Variants in PCDHGA4 observed in about 807,000 individuals in gnomAD.
PCDHGA4 encodes the protein protocadherin gamma subfamily A, 4.
A neutral mutation model predicts 54.6 loss-of-function variants in PCDHGA4; 38 were observed. That is an observed-to-expected ratio of 0.70 (90% CI 0.54 to 0.91). The LOEUF is 0.91. Among genes scored for constraint, PCDHGA4 ranks in the 40% least tolerant of loss-of-function variants. The pLI, the probability that PCDHGA4 is intolerant of heterozygous loss-of-function variation, is 0.00. For synonymous variants in PCDHGA4, 511 were observed against 512.9 expected (o/e 1.00, Z 0.05); for missense variants, 1,298 against 1,220.9 (o/e 1.06, Z -0.94).
chr5:141,414,236 C>T, intron 1 of PCDHGA4: 1 of 1,613,456 alleles, frequency 6.2e-7, no homozygotes. Flanking sequence ...CTGACCATCA[C>T]GTCTCTATTT....
intron 1 of PCDHGA4, among the ~76,000 whole-genome samples, chr5:141,439,635 C>T (rs1326926948): frequency 3.3e-5 from 5 of 152,274 alleles, no homozygotes; most frequent in Middle Eastern, 3.4e-3. Context: ...CCAGACATTC[C>T]GGCTTGGTGG....
In PCDHGA4 at chr5:141,486,661, G is replaced by T. The variant is rs373446844; in HGVS notation, c.2515-8146G>T. ...CGCTTATCTCCTACTCACTCCTGGA[G>T]CCCAGGAATCGAGATGTATCAGCTT... is the stretch of plus-strand genomic sequence containing the variant. On this transcript the variant is annotated intron_variant, in intron 1 of 3. Transcript: ENST00000571252. The surrounding 1 kb of genome is among the most constrained non-coding windows in gnomAD (Gnocchi z 5.0). 6.2e-6 allele frequency: 10 copies of T among 1,613,836 alleles called. No individual in the cohort carries two copies. Among genetic ancestry groups the T allele is most frequent in the African/African-American group, 4.0e-5 (3 of 74,918 alleles).
At chr5:141,405,420 T>A in intron 1 of PCDHGA4, 1 of 1,509,592 alleles carries the variant, frequency 6.6e-7, no homozygotes, top group Non-Finnish European at 9.0e-7. Flanking sequence ...TTTTTGTTTT[T>A]TGTTTTGTTT....
At chr5:141,456,171 A>ACAGGCG (rs1443838766) in intron 1 of PCDHGA4, among the ~76,000 whole-genome samples, 2 of 152,096 alleles carry the variant, frequency 1.3e-5, no homozygotes, top group East Asian at 3.9e-4. Flanking sequence ...TGCTGGGATT[A>ACAGGCG]CAGAATAATT....
chr5:141,413,470 C>T (rs748662580), intron 1 of PCDHGA4: 17 of 1,614,110 alleles, frequency 1.1e-5, no homozygotes, highest in Non-Finnish European at 1.4e-5. Flanking sequence ...CCGGGAGGAG[C>T]TCTGCGCTCA....
At position 141,487,653 on chromosome 5, in the gene PCDHGA4, A is replaced by C. The variant is rs1033173132; in HGVS notation, c.2515-7154A>C. The C allele has an allele frequency of 3.1e-6, 5 of 1,613,794 alleles. No individual in the cohort carries two copies. Among genetic ancestry groups the C allele is most frequent in the Non-Finnish European group, 4.2e-6 (5 of 1,179,926 alleles). ...CAGGCTCAACAAATGCTTGAGGGTT[A>C]TTCTGATCCAGGCATATGGCTAGGC... On this transcript the variant is annotated intron_variant, in intron 1 of 3. Transcript: ENST00000571252. This position sits in a 1 kb window ranked among gnomAD's most constrained non-coding sequence, Gnocchi z 5.0.
At chr5:141,376,955 G>A (rs1473018804) in intron 1 of PCDHGA4, 1 of 163,724 alleles carries the variant, frequency 6.1e-6, no homozygotes, top group Admixed American at 5.9e-5. Flanking sequence ...CCAAAGTGCT[G>A]GGATTACAGG....
At position 141,477,167 on chromosome 5, in the gene PCDHGA4, G is replaced by A; in HGVS notation, c.2515-17640G>A. On this transcript the variant is annotated intron_variant, in intron 1 of 3. Coordinates refer to ENST00000571252, the MANE Select transcript of PCDHGA4 (RefSeq NM_018917.4). This position sits in a 1 kb window ranked among gnomAD's most constrained non-coding sequence, Gnocchi z 4.9. ...TGTGGATGTGAATGACAACGCCCCGGAGATCACAGTCACCTCCGTGTACAG... is the reference window on the plus strand; with the variant it reads ...TGTGGATGTGAATGACAACGCCCCGAAGATCACAGTCACCTCCGTGTACAG... 6.2e-7 allele frequency: 1 copy of A among 1,614,166 alleles called. No homozygotes were observed. Among genetic ancestry groups the A allele is most frequent in the South Asian group, 1.1e-5 (1 of 91,076 alleles).
intron 1 of PCDHGA4, among the ~76,000 whole-genome samples, chr5:141,429,369 G>A (rs1368624471): frequency 6.7e-6 from 1 of 148,994 alleles, no homozygotes; most frequent in Non-Finnish European, 1.5e-5. Context: ...AGAAAATGGA[G>A]AAAATGTGTT....
intron 1 of PCDHGA4, chr5:141,370,749 G>A (rs1232741185): frequency 6.2e-7 from 1 of 1,613,930 alleles, no homozygotes; most frequent in Non-Finnish European, 8.5e-7. Flanking sequence ...CTTTTTTCAT[G>A]TAACTGTGCT....
At position 141,431,869 on chromosome 5, in the gene PCDHGA4, T is replaced by C. The variant is rs140856757; in HGVS notation, c.2515-62938T>C. ...GAGGGACATTAATTGCCCTTTTAAA[T>C]GTAAATGACCAAGATTCTGAGGAAA... is the stretch of plus-strand genomic sequence containing the variant. On this transcript the variant is annotated intron_variant, in intron 1 of 3. Transcript: ENST00000571252. The surrounding 1 kb of genome is among the most constrained non-coding windows in gnomAD (Gnocchi z 4.8). 8.5e-4 allele frequency: 1,376 copies of C among 1,614,252 alleles called. 2 individuals carry two copies. Among genetic ancestry groups the C allele is most frequent in the Non-Finnish European group, 1.1e-3 (1,291 of 1,180,028 alleles).
At position 141,494,885 on chromosome 5, in the gene PCDHGA4, G is replaced by T; in HGVS notation, c.2573+20G>T. The T allele has an allele frequency of 6.8e-6, 11 of 1,614,082 alleles. No homozygotes were observed. The highest frequency in any genetic ancestry group is 8.5e-6 in the Non-Finnish European group (10 of 1,179,992). Reference sequence around the variant, plus strand: ...CAGCGGGTAGGTGACTGATTCTCCAGCCCACCCTCTTCTCTGCGGCATTTT... The same window carrying T: ...CAGCGGGTAGGTGACTGATTCTCCATCCCACCCTCTTCTCTGCGGCATTTT... On this transcript the variant is annotated intron_variant, in intron 2 of 3. Transcript: ENST00000571252.
At chr5:141,420,458 CAA>C (rs1269245240) in intron 1 of PCDHGA4, 1 of 925,076 alleles carries the variant, frequency 1.1e-6, no homozygotes, top group Non-Finnish European at 1.5e-6. Context: ...TCCTACTATT[CAA>C]AGACATTTTA....
At chr5:141,392,744 CG>C (rs2092583694) in intron 1 of PCDHGA4, 1 of 1,439,038 alleles carries the variant, frequency 6.9e-7, no homozygotes, top group East Asian at 2.5e-5. Context: ...TCCATAGCTG[CG>C]GCAAGAAACT....
At chr5:141,500,417 G>A in intron 2 of PCDHGA4, among the ~76,000 whole-genome samples, 1 of 151,736 alleles carries the variant, frequency 6.6e-6, no homozygotes, top group East Asian at 2.0e-4. Flanking sequence ...CACCGTGTTA[G>A]CCAGGATGGT....
rs772637812 is a variant in PCDHGA4 at position 141,408,685 on chromosome 5, TATAAAC to T, written c.2514+51071_2514+51076del. On this transcript the variant is annotated intron_variant, in intron 1 of 3. Transcript: ENST00000571252. ...CGCTTGACCCTGCCACGGATCCTGA[TATAAAC>T]ATAAACTCAATTAAAGATTATAAGA... 8 of 1,613,994 alleles carry T rather than the reference TATAAAC, an allele frequency of 5.0e-6. No individual in the cohort carries two copies. The Admixed American group carries it at 1.0e-4, about 20-fold the overall frequency.
chr5:141,445,249 G>T (rs1337658576), intron 1 of PCDHGA4, among the ~76,000 whole-genome samples: 2 of 152,170 alleles, frequency 1.3e-5, no homozygotes, highest in Non-Finnish European at 2.9e-5. Context: ...ACTATATTGT[G>T]TGAGAATATA....
At chr5:141,380,758 T>C (rs1382076690) in intron 1 of PCDHGA4, among the ~76,000 whole-genome samples, 1 of 152,222 alleles carries the variant, frequency 6.6e-6, no homozygotes, top group Non-Finnish European at 1.5e-5. Flanking sequence ...CAAGACACTA[T>C]AAATTAATTG....
chr5:141,495,205 C>T (rs977479495), intron 2 of PCDHGA4, among the ~76,000 whole-genome samples: 1 of 152,212 alleles, frequency 6.6e-6, no homozygotes, highest in African/African-American at 2.4e-5. Flanking sequence ...TACTGCCTAA[C>T]CCCCTCCCCT....
Sources: gnomAD v4.1 joint callset for allele counts (sites outside exome capture counted in the v4.1 genomes callset) on GRCh38, gnomAD v4.1.1 for gene constraint, Gnocchi (gnomAD v3.1) non-coding constraint, MANE v1.5 for transcripts, NCBI Gene and HGNC (gene_info 2026-07-23, HGNC 2026-07-21) for gene names.